SORCS2: variants seen among roughly 807,000 people sequenced by gnomAD.
SORCS2 encodes sortilin related VPS10 domain containing receptor 2, also known as VPS10 domain-containing receptor SorCS2.
SORCS2 carries 100 observed loss-of-function variants against 141.6 expected under a neutral mutation model. That is an observed-to-expected ratio of 0.71 (90% CI 0.60 to 0.83). The LOEUF is 0.83. Among genes scored for constraint, SORCS2 ranks in the 40% least tolerant of loss-of-function variants. The probability of loss-of-function intolerance (pLI) is 0.00; values close to 1 mark genes in which losing one functional copy is unlikely to be tolerated. For missense variants in SORCS2, 1,646 were observed against 1,560.2 expected, an observed-to-expected ratio of 1.05 and a Z score of -0.93; for synonymous variants, 789 against 676.9, an observed-to-expected ratio of 1.17 and a Z score of -2.57.
rs1262879262 is a variant in SORCS2 at position 7,667,078 on chromosome 4, G to C, written c.1072-46G>C. ...TTTTTCATTCATGAGACTGTGGCTG[G>C]AGAGGGAATCAAGCCTCTCAAAAAT... On this transcript the variant is annotated intron_variant, in intron 7 of 26. Coordinates refer to ENST00000507866, the MANE Select transcript of SORCS2 (RefSeq NM_020777.3). The C allele has an allele frequency of 2.6e-6, 4 of 1,516,562 alleles. No individual in the cohort carries two copies. The East Asian group carries it at 9.1e-5, about 34-fold the overall frequency. The allele number at this position is 1,516,562 out of a possible 1,614,324, so 93.9% of individuals were successfully genotyped here.
chr4:7,378,475 G>A (rs1433685035), intron 1 of SORCS2, among the ~76,000 whole-genome samples: 1 of 152,208 alleles, frequency 6.6e-6, no homozygotes, highest in Non-Finnish European at 1.5e-5. Flanking sequence ...CATGGCATCA[G>A]GAGAGAGAAG....
At chr4:7,531,194 T>C (rs1325387392) in intron 2 of SORCS2, among the ~76,000 whole-genome samples, 1 of 152,124 alleles carries the variant, frequency 6.6e-6, no homozygotes. Context: ...TGGTCACCTG[T>C]GAGATGCATG....
intron 14 of SORCS2, among the ~76,000 whole-genome samples, chr4:7,707,527 C>T (rs189301696): frequency 7.2e-5 from 11 of 152,334 alleles, no homozygotes; most frequent in South Asian, 2.1e-4. Context: ...GAATTCCTGC[C>T]GCCTTCAATT....
chr4:7,469,465 G>A (rs939755932), intron 2 of SORCS2, among the ~76,000 whole-genome samples: 1 of 152,172 alleles, frequency 6.6e-6, no homozygotes, highest in African/African-American at 2.4e-5. Context: ...CTTCCCTCAG[G>A]CTCCCTGGCA....
intron 1 of SORCS2, among the ~76,000 whole-genome samples, chr4:7,269,497 A>T (rs1714977125): frequency 6.6e-6 from 1 of 152,250 alleles, no homozygotes; most frequent in Admixed American, 6.5e-5. Flanking sequence ...CGATGAGATC[A>T]TCCTGGACTT....
At chr4:7,216,100 C>T (rs1398532730) in intron 1 of SORCS2, among the ~76,000 whole-genome samples, 3 of 152,206 alleles carry the variant, frequency 2.0e-5, no homozygotes. Flanking sequence ...TGCAGCTTCA[C>T]TCCTGAAGCC....
chr4:7,600,741 G>A (rs1003720477), intron 3 of SORCS2, among the ~76,000 whole-genome samples: 2 of 150,178 alleles, frequency 1.3e-5, no homozygotes, highest in Non-Finnish European at 3.0e-5. Context: ...AAATCAAATC[G>A]TTCTGTCATT....
At chr4:7,610,994 G>A (rs940227307) in intron 3 of SORCS2, among the ~76,000 whole-genome samples, 1 of 152,172 alleles carries the variant, frequency 6.6e-6, no homozygotes, top group Admixed American at 6.5e-5. Flanking sequence ...CCGCACGCGT[G>A]CAGACACACA....
At position 7,333,115 on chromosome 4, in the gene SORCS2, G is replaced by GGA. The variant is rs1719758928; in HGVS notation, c.481-63173_481-63172insGA. On this transcript the variant is annotated intron_variant, in intron 1 of 26. Transcript: ENST00000507866. ...GAGCAAGTGGATGGGACAAGGCGGTGTGGCCGTGCAGGCAGGAAGGCAGCC... is the reference window on the plus strand; with the variant it reads ...GAGCAAGTGGATGGGACAAGGCGGTGGATGGCCGTGCAGGCAGGAAGGCAGCC... Among the ~76,000 whole-genome samples the GGA allele has an allele frequency of 2.0e-5, 3 of 152,214 alleles. No homozygotes were observed. The South Asian group carries it at 6.2e-4, about 32-fold the overall frequency.
At chr4:7,653,081 C>T (rs1250447859) in intron 4 of SORCS2, among the ~76,000 whole-genome samples, 1 of 152,206 alleles carries the variant, frequency 6.6e-6, no homozygotes, top group Non-Finnish European at 1.5e-5. Context: ...CTGGCACTCA[C>T]CAGGGACAAG....
chr4:7,711,460 C>A (rs2109033266), intron 14 of SORCS2, among the ~76,000 whole-genome samples: 1 of 152,332 alleles, frequency 6.6e-6, no homozygotes, highest in Middle Eastern at 3.4e-3. Context: ...TGCATCACCT[C>A]CCCGACCCAG....
rs1175166632 is a variant in SORCS2 at position 7,663,236 on chromosome 4, T to C, written c.953-1117T>C. ...AGTGAATGAGTGAGTGAAGAGTGAA[T>C]AAGTGAGTGAGTGAAGAGTGAATAA... On this transcript the variant is annotated intron_variant, in intron 6 of 26. Coordinates refer to ENST00000507866, the MANE Select transcript of SORCS2 (RefSeq NM_020777.3). The surrounding 1 kb of genome is among the most constrained non-coding windows in gnomAD (Gnocchi z 4.8). 6.7e-6 allele frequency among the ~76,000 whole-genome samples: 1 copy of C among 150,040 alleles called. No homozygotes were observed. The highest frequency in any genetic ancestry group is 2.5e-5 in the African/African-American group (1 of 40,402).
chr4:7,718,470 G>T (rs1041547659), intron 18 of SORCS2, among the ~76,000 whole-genome samples: 5 of 152,226 alleles, frequency 3.3e-5, no homozygotes, highest in Non-Finnish European at 2.9e-5. Flanking sequence ...CACATCGGGT[G>T]GGGGAGGGTG....
chr4:7,520,306 G>A (rs577068055), intron 2 of SORCS2, among the ~76,000 whole-genome samples: 63 of 152,322 alleles, frequency 4.1e-4, no homozygotes, highest in Non-Finnish European at 8.5e-4. Context: ...CGAGGGATTC[G>A]CTGAAAAGGA....
At chr4:7,313,329 TG>T (rs1718323962) in intron 1 of SORCS2, among the ~76,000 whole-genome samples, 1 of 152,252 alleles carries the variant, frequency 6.6e-6, no homozygotes, top group Admixed American at 6.5e-5. Flanking sequence ...TGCTGGGCTC[TG>T]GGGACACACA....
At chr4:7,500,672 C>A (rs777748596) in intron 2 of SORCS2, among the ~76,000 whole-genome samples, 1 of 151,696 alleles carries the variant, frequency 6.6e-6, no homozygotes, top group Non-Finnish European at 1.5e-5. Context: ...AGTGTGCCGG[C>A]TGGAGACTGT....
chr4:7,649,636 A>G (rs78734453), intron 4 of SORCS2, among the ~76,000 whole-genome samples: 6 of 152,072 alleles, frequency 3.9e-5, no homozygotes, highest in African/African-American at 1.4e-4. Flanking sequence ...AGGGAGGAAA[A>G]GGCCCTGGGC....
chr4:7,663,220 G>C lies in SORCS2; in HGVS notation c.953-1133G>C, dbSNP rs914147735. On this transcript the variant is annotated intron_variant, in intron 6 of 26. Transcript: ENST00000507866. This position sits in a 1 kb window ranked among gnomAD's most constrained non-coding sequence, Gnocchi z 4.8. Reference sequence around the variant, plus strand: ...GAAGAGTGAATGAGTGAGTGAATGAGTGAGTGAAGAGTGAATAAGTGAGTG... The same window carrying C: ...GAAGAGTGAATGAGTGAGTGAATGACTGAGTGAAGAGTGAATAAGTGAGTG... 9.9e-5 allele frequency among the ~76,000 whole-genome samples: 15 copies of C among 151,762 alleles called. No homozygotes were observed. The highest frequency in any genetic ancestry group is 2.1e-4 in the Non-Finnish European group (14 of 67,978).
At chr4:7,508,749 A>T (rs1167912905) in intron 2 of SORCS2, among the ~76,000 whole-genome samples, 1 of 152,206 alleles carries the variant, frequency 6.6e-6, no homozygotes, top group East Asian at 1.9e-4. Flanking sequence ...TTTTTGTTGC[A>T]TTTTTAAAAA....
Sources: gnomAD v4.1 joint callset for allele counts (sites outside exome capture counted in the v4.1 genomes callset) on GRCh38, gnomAD v4.1.1 for gene constraint, Gnocchi (gnomAD v3.1) non-coding constraint, MANE v1.5 for transcripts, NCBI Gene and HGNC (gene_info 2026-07-23, HGNC 2026-07-21) for gene names.